Variants in ORC3 observed in about 807,000 individuals in gnomAD.
The protein encoded by ORC3 is homolog of latheo, Drosophila.
Under a neutral mutation model 100.7 loss-of-function variants are expected in ORC3, and 78 were observed. The observed-to-expected ratio is 0.77, with a 90% confidence interval of 0.65 to 0.94. The LOEUF is 0.94. Ranked by LOEUF, ORC3 falls within the 40% of genes least tolerant of loss-of-function variation. ORC3 has a pLI of 0.00. For missense variants in ORC3, 789 were observed against 823.9 expected (o/e 0.96, Z 0.52); for synonymous variants, 295 against 289.3 (o/e 1.02, Z -0.20).
the ORC3 span, among the ~76,000 whole-genome samples, chr6:87,676,843 A>G: frequency 6.0e-5 from 9 of 149,884 alleles, no homozygotes; most frequent in East Asian, 2.0e-4. Context: ...TTGAGAGGCC[A>G]AGGCGGGCAG....
At chr6:87,642,841 G>T (rs1768381223) in intron 13 of ORC3, among the ~76,000 whole-genome samples, 1 of 151,900 alleles carries the variant, frequency 6.6e-6, no homozygotes, top group Non-Finnish European at 1.5e-5. Flanking sequence ...GGTGGAGCTT[G>T]CAGTGAGCCG....
chr6:87,597,671 A>G (rs1372279331), intron 2 of ORC3, among the ~76,000 whole-genome samples: 1 of 118,818 alleles, frequency 8.4e-6, no homozygotes, highest in African/African-American at 4.2e-5. Flanking sequence ...AAGTAATGAT[A>G]TATATATATA....
At position 87,631,568 on chromosome 6, in the gene ORC3, C is replaced by T. The variant is rs183783739; in HGVS notation, c.1186-3277C>T. 2.3e-3 allele frequency among the ~76,000 whole-genome samples: 356 copies of T among 152,208 alleles called. 1 individual carries two copies. The highest frequency in any genetic ancestry group is 8.1e-3 in the African/African-American group (337 of 41,558). On this transcript the variant is annotated intron_variant, in intron 11 of 19. Coordinates refer to ENST00000392844, the MANE Select transcript of ORC3 (RefSeq NM_012381.4). ...ACTGCAACAGCGCGATCTTGGCTCA[C>T]GGCAACCTCCGCCTCCTGGGTTCAA...
At chr6:87,616,167 A>G (rs897476153) in intron 8 of ORC3, 147 bp from the exon 9 acceptor site, 5 of 417,146 alleles carry the variant, frequency 1.2e-5, no homozygotes, top group Non-Finnish European at 2.2e-5. Context: ...TTTTGTTGAC[A>G]TTTGAGCTTA....
intron 14 of ORC3, among the ~76,000 whole-genome samples, chr6:87,654,746 G>A (rs1241602234): frequency 6.6e-6 from 1 of 152,162 alleles, no homozygotes; most frequent in Admixed American, 6.5e-5. Flanking sequence ...TACAAAATGG[G>A]ACTTATGGAG....
chr6:87,673,572 G>A, the ORC3 span, among the ~76,000 whole-genome samples: 8 of 152,196 alleles, frequency 5.3e-5, no homozygotes, highest in African/African-American at 1.9e-4. Flanking sequence ...GCCAGGCGCA[G>A]TGGCTCACGC....
chr6:87,655,666 ATT>A (rs558077926), intron 14 of ORC3, among the ~76,000 whole-genome samples: 3 of 140,108 alleles, frequency 2.1e-5, no homozygotes, highest in African/African-American at 2.6e-5. Flanking sequence ...TATTATTATT[ATT>A]TTTTTTTTTT....
At chr6:87,661,273 C>T (rs1770156089) in intron 16 of ORC3, among the ~76,000 whole-genome samples, 1 of 152,128 alleles carries the variant, frequency 6.6e-6, no homozygotes, top group African/African-American at 2.4e-5. Flanking sequence ...AAACTATTTC[C>T]TGAAGCTACA....
chr6:87,650,756 C>T (rs1465809637), intron 13 of ORC3, among the ~76,000 whole-genome samples: 1 of 152,156 alleles, frequency 6.6e-6, no homozygotes, highest in Non-Finnish European at 1.5e-5. Context: ...GCCTATAATC[C>T]CAGCACTTTG....
intron 11 of ORC3, among the ~76,000 whole-genome samples, chr6:87,633,236 C>G (rs1045634300): frequency 6.6e-6 from 1 of 152,158 alleles, no homozygotes; most frequent in Admixed American, 6.5e-5. Flanking sequence ...TGTTTAAAAG[C>G]TATTTAAGCA....
chr6:87,650,861 G>A, intron 13 of ORC3: 1 of 250,796 alleles, frequency 4.0e-6, no homozygotes, highest in Non-Finnish European at 8.1e-6. Context: ...TACAAAATTA[G>A]CCGGGCATGG....
chr6:87,644,079 C>CTTTTTTTTTTTTTTTTTTTTTTTTTT (rs1156943778), intron 13 of ORC3, among the ~76,000 whole-genome samples: 4 of 51,426 alleles, frequency 7.8e-5, no homozygotes, highest in Admixed American at 5.4e-4. Context: ...GCTGACTGTC[C>CTTTTTTTTTTTTTTTTTTTTTTTTTT]TTTTTTTTTT....
intron 13 of ORC3, among the ~76,000 whole-genome samples, chr6:87,649,030 T>C (rs1240985567): frequency 1.3e-5 from 2 of 152,236 alleles, no homozygotes; most frequent in Non-Finnish European, 2.9e-5. Context: ...TGCTGCTGGA[T>C]ATTATCAGGC....
chr6:87,656,908 A>G lies in ORC3; in HGVS notation c.1519A>G (p.Thr507Ala). Residue 507 changes from threonine (T) to alanine (A), a missense_variant and splice_region_variant, in exon 15 of 20, where the codon ACC becomes GCC. Physicochemically the swap from Thr to Ala is moderately conservative, Grantham distance 58 (BLOSUM62 0). Transcript: ENST00000392844. ...FLAQFQSLDETKEEEDASGSQ... is the reference protein window; with the variant it reads ...FLAQFQSLDEAKEEEDASGSQ... ...TACTGGTTTTGTATTAAAAGCAGAAACCAAAGAGGAAGAAGATGCTTCTGG... is the reference window on the plus strand; with the variant it reads ...TACTGGTTTTGTATTAAAAGCAGAAGCCAAAGAGGAAGAAGATGCTTCTGG... 1 of 1,610,874 alleles carries G rather than the reference A, an allele frequency of 6.2e-7. No homozygotes were observed. Among genetic ancestry groups the G allele is most frequent in the South Asian group, 1.1e-5 (1 of 90,842 alleles).
chr6:87,607,574 CAA>C (rs10706424), intron 5 of ORC3, 97 bp from the exon 6 acceptor site: 1,368 of 811,532 alleles, frequency 1.7e-3, no homozygotes, highest in South Asian at 2.6e-3. Flanking sequence ...CACATTCTAC[CAA>C]AAAAAAAAGT....
intron 13 of ORC3, among the ~76,000 whole-genome samples, chr6:87,644,138 G>C (rs1768538813): frequency 1.7e-5 from 2 of 114,704 alleles, no homozygotes; most frequent in Admixed American, 2.2e-4. Context: ...TGTCGCCCAG[G>C]CTGGAGTGCA....
chr6:87,664,862 A>G lies in ORC3; in HGVS notation c.1950+3A>G. 4 of 1,554,314 alleles carry G rather than the reference A, an allele frequency of 2.6e-6. No homozygotes were observed. The highest frequency in any genetic ancestry group is 3.5e-6 in the Non-Finnish European group (4 of 1,129,992). On this transcript the variant is annotated splice_donor_region_variant and intron_variant, in intron 18 of 19. Transcript: ENST00000392844. ...TCAACCTCGTGGACTGGTCAGAGGTAGGTTGTAGGGAAAAGAACAAGCTAG... is the reference window on the plus strand; with the variant it reads ...TCAACCTCGTGGACTGGTCAGAGGTGGGTTGTAGGGAAAAGAACAAGCTAG...
chr6:87,665,929 C>A, intron 19 of ORC3, 96 bp downstream of exon 19: 1 of 677,612 alleles, frequency 1.5e-6, no homozygotes, highest in Non-Finnish European at 2.6e-6. Context: ...TAAAGGCGTA[C>A]TCCAAACAAC....
Position 87,631,071 on chromosome 6 carries a change from G to C in ORC3, c.1186-3774G>C, listed in dbSNP as rs540046756. Among the ~76,000 whole-genome samples the C allele has an allele frequency of 1.7e-3, 244 of 145,478 alleles. 2 individuals carry two copies. Among genetic ancestry groups the C allele is most frequent in the African/African-American group, 6.1e-3 (235 of 38,626 alleles). On this transcript the variant is annotated intron_variant, in intron 11 of 19. Coordinates refer to ENST00000392844, the MANE Select transcript of ORC3 (RefSeq NM_012381.4). ...TTTTTTTTTTTTTTTTGTAGAGACA[G>C]GGTCTCTCACTATGTTGCTCACTAT...
Sources: allele counts gnomAD v4.1 joint callset (sites outside exome capture counted in the v4.1 genomes callset), GRCh38; gene constraint gnomAD v4.1.1; transcripts MANE v1.5; gene names NCBI Gene and HGNC (gene_info 2026-07-23, HGNC 2026-07-21).